The following ADCY2 variants were observed in gnomAD, a reference collection of about 807,000 sequenced individuals.
ADCY2 encodes the protein adenylate cyclase type 2.
Under a neutral mutation model 125.2 loss-of-function variants are expected in ADCY2, and 31 were observed. That is an observed-to-expected ratio of 0.25 (90% CI 0.19 to 0.33). The LOEUF (loss-of-function observed/expected upper bound fraction) is 0.33. Ranked by LOEUF, ADCY2 falls within the 10% of genes least tolerant of loss-of-function variation. ADCY2 has a pLI of 1.00. For synonymous variants in ADCY2, 512 were observed against 548.4 expected (o/e 0.93, Z 0.93); for missense variants, 904 against 1,418.2 (o/e 0.64, Z 5.82).
At position 7,523,923 on chromosome 5, in the gene ADCY2, A is replaced by C. The variant is rs146872665; in HGVS notation, c.570+3024A>C. The stretch of plus-strand genomic sequence containing the variant: ...AGTGCATTTTGTTTCGCACAGATCC[A>C]TGTTAAGAAGTTTTTGTTTCATTTT... On this transcript the variant is annotated intron_variant, in intron 3 of 24. Coordinates refer to ENST00000338316, the MANE Select transcript of ADCY2 (RefSeq NM_020546.3). Among the ~76,000 whole-genome samples the C allele has an allele frequency of 2.4e-4, 36 of 152,336 alleles. 1 individual carries two copies. In the East Asian group the frequency reaches 6.6e-3, roughly 28 times the overall value.
At chr5:7,795,996 T>C (rs2126513436) in intron 20 of ADCY2, 1 of 152,252 alleles carries the variant, frequency 6.6e-6, no homozygotes, top group Non-Finnish European at 1.5e-5. Context: ...CAGCAAACAT[T>C]CACTTTGTGA....
At chr5:7,752,877 T>C (rs1742869762) in intron 15 of ADCY2, among the ~76,000 whole-genome samples, 1 of 149,684 alleles carries the variant, frequency 6.7e-6, no homozygotes, top group Non-Finnish European at 1.5e-5. Flanking sequence ...CATCATCAAT[T>C]CTATGATAGG....
intron 3 of ADCY2, among the ~76,000 whole-genome samples, chr5:7,598,355 T>A (rs1049657225): frequency 1.8e-4 from 28 of 152,110 alleles, no homozygotes; most frequent in Non-Finnish European, 3.8e-4. Context: ...AAAGCCTGAG[T>A]CCCACCATCA....
At chr5:7,580,589 CTA>C (rs1410498412) in intron 3 of ADCY2, among the ~76,000 whole-genome samples, 4 of 151,934 alleles carry the variant, frequency 2.6e-5, no homozygotes, top group African/African-American at 9.7e-5. Flanking sequence ...GCTCAGTAAT[CTA>C]TATGATAAAA....
At chr5:7,707,912 G>A (rs1741312959) in intron 9 of ADCY2, 74 bp downstream of exon 9, 3 of 1,502,206 alleles carry the variant, frequency 2.0e-6, no homozygotes, top group Non-Finnish European at 2.7e-6. Context: ...AGTGTTTTTA[G>A]TCAATATCCA....
At chr5:7,741,843 C>CACCATCACCATCCCTATCACT in intron 14 of ADCY2, among the ~76,000 whole-genome samples, 1 of 151,460 alleles carries the variant, frequency 6.6e-6, no homozygotes, top group Non-Finnish European at 1.5e-5. Flanking sequence ...TCCTCATCAT[C>CACCATCACCATCCCTATCACT]GTCATCACCA....
chr5:7,715,928 C>G (rs569795546), intron 11 of ADCY2, among the ~76,000 whole-genome samples: 2 of 152,300 alleles, frequency 1.3e-5, no homozygotes, highest in Non-Finnish European at 2.9e-5. Flanking sequence ...CATTTGTAAT[C>G]TAATCAACCA....
At chr5:7,653,622 T>G (rs1298972736) in intron 4 of ADCY2, among the ~76,000 whole-genome samples, 14 of 149,944 alleles carry the variant, frequency 9.3e-5, no homozygotes, top group Admixed American at 9.3e-4. Flanking sequence ...AAAAAAAACG[T>G]GAAGAATTTG....
chr5:7,437,423 A>G (rs1740847783), intron 2 of ADCY2, among the ~76,000 whole-genome samples: 1 of 152,224 alleles, frequency 6.6e-6, no homozygotes, highest in Non-Finnish European at 1.5e-5. Flanking sequence ...AGTGGAAGTT[A>G]AGAGCACAGG....
intron 2 of ADCY2, among the ~76,000 whole-genome samples, chr5:7,496,580 C>T (rs1743353631): frequency 6.6e-6 from 1 of 152,096 alleles, no homozygotes; most frequent in South Asian, 2.1e-4. Flanking sequence ...ATACCATATA[C>T]TTCACAATTT....
chr5:7,649,160 G>A (rs1341435862), intron 4 of ADCY2, among the ~76,000 whole-genome samples: 5 of 152,220 alleles, frequency 3.3e-5, no homozygotes, highest in Admixed American at 6.5e-5. Context: ...TAACAACTGA[G>A]TAAAATGCTT....
At chr5:7,594,653 T>C (rs191534370) in intron 3 of ADCY2, among the ~76,000 whole-genome samples, 2 of 152,324 alleles carry the variant, frequency 1.3e-5, no homozygotes, top group African/African-American at 4.8e-5. Flanking sequence ...AAAACATAAA[T>C]CTTGATGAGA....
chr5:7,447,115 G>C (rs1579452257), intron 2 of ADCY2, among the ~76,000 whole-genome samples: 1 of 152,086 alleles, frequency 6.6e-6, no homozygotes, highest in Non-Finnish European at 1.5e-5. Flanking sequence ...TCGGTCATCT[G>C]GTACAAGGGC....
At chr5:7,530,882 T>C (rs762501436) in intron 3 of ADCY2, among the ~76,000 whole-genome samples, 13 of 152,086 alleles carry the variant, frequency 8.5e-5, no homozygotes, top group Admixed American at 2.6e-4. Context: ...CTTCCCTGCC[T>C]GGCAAACTCC....
At chr5:7,655,080 AGGCTTTTGTCGT>A (rs890465563) in intron 4 of ADCY2, among the ~76,000 whole-genome samples, 7 of 152,146 alleles carry the variant, frequency 4.6e-5, no homozygotes, top group African/African-American at 1.7e-4. Context: ...ATGGCTCCCA[AGGCTTTTGTCGT>A]GGAAGTCGTC....
intron 14 of ADCY2, among the ~76,000 whole-genome samples, chr5:7,737,202 T>C (rs1294459083): frequency 6.6e-6 from 1 of 152,142 alleles, no homozygotes; most frequent in African/African-American, 2.4e-5. Flanking sequence ...TATAAAGAAG[T>C]ATTTACAGAA....
chr5:7,812,226 ATCCTAAG>A lies in ADCY2; in HGVS notation c.2884-4637_2884-4631del, dbSNP rs778588177. 2.2e-4 allele frequency among the ~76,000 whole-genome samples: 33 copies of A among 152,214 alleles called. 1 individual carries two copies. The highest frequency in any genetic ancestry group is 7.9e-4 in the Admixed American group (12 of 15,286). On this transcript the variant is annotated intron_variant, in intron 22 of 24. Transcript: ENST00000338316. ...TCTCTGTGGAAATGAAAAGCAAAAA[ATCCTAAG>A]TCTGTGTATTTTTGTGCAAACACCA...
At chr5:7,665,793 G>A (rs1036580784) in intron 4 of ADCY2, among the ~76,000 whole-genome samples, 1 of 146,326 alleles carries the variant, frequency 6.8e-6, no homozygotes, top group African/African-American at 2.5e-5. Flanking sequence ...ATCTGTTCTG[G>A]GTCTATTTAT....
At chr5:7,444,111 C>CTTTTTTTT (rs749823885) in intron 2 of ADCY2, among the ~76,000 whole-genome samples, 1 of 99,386 alleles carries the variant, frequency 1.0e-5, no homozygotes. Context: ...GTTTTTATCT[C>CTTTTTTTT]TTTTTTTTTT....
Sources: gnomAD v4.1 joint callset for allele counts (sites outside exome capture counted in the v4.1 genomes callset) on GRCh38, gnomAD v4.1.1 for gene constraint, MANE v1.5 for transcripts, NCBI Gene and HGNC (gene_info 2026-07-23, HGNC 2026-07-21) for gene names.